Variants in INPP5F observed in about 807,000 individuals in gnomAD.
INPP5F encodes the protein phosphatidylinositide 4-phosphatase SAC2.
In INPP5F, 97 loss-of-function variants were observed where a neutral mutation model predicts 137.2. The ratio of observed to expected loss-of-function variants is 0.71; its 90% CI spans 0.60 to 0.84. The LOEUF (loss-of-function observed/expected upper bound fraction) is 0.84. INPP5F is among the 40% of genes least tolerant of loss of function. The probability of loss-of-function intolerance (pLI) is 0.00; values close to 1 mark genes in which losing one functional copy is unlikely to be tolerated. For synonymous variants in INPP5F, 504 were observed against 476.9 expected, an observed-to-expected ratio of 1.06 and a Z score of -0.74; for missense variants, 1,271 against 1,371.9, an observed-to-expected ratio of 0.93 and a Z score of 1.16.
chr10:119,797,360 A>C, intron 7 of INPP5F, 101 bp from the exon 8 acceptor site: 2 of 947,062 alleles, frequency 2.1e-6, no homozygotes, highest in Non-Finnish European at 3.2e-6. Flanking sequence ...TGAATCCCCA[A>C]GGCTATCCTG....
At chr10:119,795,570 C>A (rs548835182) in intron 6 of INPP5F, among the ~76,000 whole-genome samples, 1 of 151,412 alleles carries the variant, frequency 6.6e-6, no homozygotes, top group South Asian at 2.1e-4. Flanking sequence ...GGCGGCCGGG[C>A]AGAGACGCTC....
intron 3 of INPP5F, among the ~76,000 whole-genome samples, chr10:119,785,624 C>T (rs1026442742): frequency 6.1e-5 from 9 of 147,432 alleles, no homozygotes; most frequent in Admixed American, 1.4e-4. Flanking sequence ...GGCAGGGGGC[C>T]GAGGTGGGAG....
intron 10 of INPP5F, among the ~76,000 whole-genome samples, chr10:119,804,503 C>T (rs987667756): frequency 6.6e-6 from 1 of 152,152 alleles, no homozygotes; most frequent in Non-Finnish European, 1.5e-5. Context: ...AAAATATTTA[C>T]AGTCGTTCTG....
intron 6 of INPP5F, among the ~76,000 whole-genome samples, chr10:119,793,981 A>G (rs144596156): frequency 1.2e-3 from 178 of 152,308 alleles, no homozygotes; most frequent in African/African-American, 4.0e-3. Context: ...TCTCCTAATT[A>G]TGTTGGATGA....
chr10:119,778,742 C>CT (rs1328021130), intron 2 of INPP5F, among the ~76,000 whole-genome samples: 1 of 152,048 alleles, frequency 6.6e-6, no homozygotes, highest in Non-Finnish European at 1.5e-5. Flanking sequence ...TTCTTTTTGT[C>CT]TTTATTTTTA....
At chr10:119,825,434 A>G (rs1458797158) in intron 19 of INPP5F, among the ~76,000 whole-genome samples, 1 of 152,164 alleles carries the variant, frequency 6.6e-6, no homozygotes, top group East Asian at 1.9e-4. Flanking sequence ...AGGTGTGTTT[A>G]AAAGTTTTGA....
At chr10:119,794,919 C>T (rs1850295369) in intron 6 of INPP5F, among the ~76,000 whole-genome samples, 1 of 130,194 alleles carries the variant, frequency 7.7e-6, no homozygotes, top group Non-Finnish European at 1.7e-5. Flanking sequence ...CCACCTCCCT[C>T]CCGGATGGGG....
chr10:119,781,785 A>AG lies in INPP5F; in HGVS notation c.315+17dup. The AG allele has an allele frequency of 6.3e-7, 1 of 1,579,840 alleles. No individual in the cohort carries two copies. Among genetic ancestry groups the AG allele is most frequent in the South Asian group, 1.2e-5 (1 of 86,444 alleles). The stretch of plus-strand genomic sequence containing the variant: ...CTTGAGCTAGAGGTAGGTGAAATAA[A>AG]GGGAAATTATATGGAAACCTGATAT... On this transcript the variant is annotated intron_variant, in intron 3 of 19. Coordinates refer to ENST00000650623, the MANE Select transcript of INPP5F (RefSeq NM_014937.4).
chr10:119,726,081 C>G lies in INPP5F; in HGVS notation c.-182C>G, dbSNP rs565474681. On this transcript the variant is annotated 5_prime_UTR_variant, in exon 1 of 20. Coordinates refer to ENST00000650623, the MANE Select transcript of INPP5F (RefSeq NM_014937.4). ...CCTCTACGGCCGCCGCTGCCGCCGC[C>G]GCTGCCGGGGCGCGTTCTCCTCCTA... 1 of 373,616 alleles carries G rather than the reference C, an allele frequency of 2.7e-6. No homozygotes were observed. Among genetic ancestry groups the G allele is most frequent in the African/African-American group, 2.1e-5 (1 of 46,630 alleles). 23.1% of individuals were successfully genotyped at this position (373,616 alleles called of 1,614,324 possible). A position where few individuals can be genotyped will look rare whatever the true frequency, so the allele number is the denominator to read the frequency against.
At chr10:119,821,929 C>T (rs1240573630) in intron 16 of INPP5F, among the ~76,000 whole-genome samples, 1 of 134,084 alleles carries the variant, frequency 7.5e-6, no homozygotes, top group Non-Finnish European at 1.5e-5. Context: ...AGTGCAATGG[C>T]ATGATCTCTG....
At chr10:119,769,671 A>G (rs1317493508) in intron 2 of INPP5F, among the ~76,000 whole-genome samples, 1 of 152,204 alleles carries the variant, frequency 6.6e-6, no homozygotes, top group African/African-American at 2.4e-5. Flanking sequence ...CAGGGCATCC[A>G]TCTTCTCCTG....
At chr10:119,796,232 C>G (rs1850377211) in intron 6 of INPP5F, among the ~76,000 whole-genome samples, 1 of 151,920 alleles carries the variant, frequency 6.6e-6, no homozygotes, top group Non-Finnish European at 1.5e-5. Flanking sequence ...GAAAATAAAG[C>G]CGACCTATGT....
chr10:119,747,945 G>T (rs148050828), intron 1 of INPP5F, among the ~76,000 whole-genome samples: 95 of 152,356 alleles, frequency 6.2e-4, no homozygotes, highest in African/African-American at 2.1e-3. Context: ...TCCTTAGGGT[G>T]TTGCTTTTCC....
chr10:119,823,222 G>C, intron 18 of INPP5F, 23 bp downstream of exon 18: 2 of 1,606,146 alleles, frequency 1.2e-6, no homozygotes, highest in Non-Finnish European at 1.7e-6. Context: ...AGAGATGAAA[G>C]TATTCAGTGA....
chr10:119,744,819 T>C (rs1848482243), intron 1 of INPP5F, among the ~76,000 whole-genome samples: 1 of 152,182 alleles, frequency 6.6e-6, no homozygotes, highest in Non-Finnish European at 1.5e-5. Context: ...ATGCTGGGAT[T>C]ACAGGCATGA....
chr10:119,746,272 C>T (rs761248794), intron 1 of INPP5F, among the ~76,000 whole-genome samples: 2 of 152,188 alleles, frequency 1.3e-5, no homozygotes, highest in Non-Finnish European at 2.9e-5. Context: ...ATGCCTGATG[C>T]GCCACTTCTT....
Position 119,752,585 on chromosome 10 carries a change from C to CAA in INPP5F, c.178+1446_178+1447dup, listed in dbSNP as rs1295801342. On this transcript the variant is annotated intron_variant, in intron 2 of 19. Transcript: ENST00000650623. ...GGGCAACAGGAGTAAAACTCCATCTCAAAAAAAAAAAAAAAAAAGAAATGA... is the reference window on the plus strand; with the variant it reads ...GGGCAACAGGAGTAAAACTCCATCTCAAAAAAAAAAAAAAAAAAAAGAAATGA... Among the ~76,000 whole-genome samples the CAA allele has an allele frequency of 1.0e-2, 614 of 61,466 alleles. 6 individuals carry two copies. The highest frequency in any genetic ancestry group is 0.028 in the African/African-American group (571 of 20,090). 40.3% of individuals were successfully genotyped at this position (61,466 alleles called of 152,430 possible). A position where few individuals can be genotyped will look rare whatever the true frequency, so the allele number is the denominator to read the frequency against.
chr10:119,820,820 T>TA, intron 15 of INPP5F, 26 bp from the exon 16 acceptor site: 2 of 1,554,910 alleles, frequency 1.3e-6, no homozygotes, highest in Non-Finnish European at 8.9e-7. Context: ...TGAAAATACT[T>TA]AATCTCCTGT....
chr10:119,768,044 C>G (rs1849227292), intron 2 of INPP5F, among the ~76,000 whole-genome samples: 1 of 152,114 alleles, frequency 6.6e-6, no homozygotes, highest in South Asian at 2.1e-4. Context: ...TATCTTTTTC[C>G]TTCTTTACCA....
Sources: gnomAD v4.1 joint callset for allele counts (sites outside exome capture counted in the v4.1 genomes callset) on GRCh38, gnomAD v4.1.1 for gene constraint, MANE v1.5 for transcripts, NCBI Gene and HGNC (gene_info 2026-07-23, HGNC 2026-07-21) for gene names.